Variants in PCSK1 observed in about 807,000 individuals in gnomAD.
PCSK1 encodes the protein neuroendocrine convertase 1.
A neutral mutation model predicts 90.6 loss-of-function variants in PCSK1; 56 were observed. That is an observed-to-expected ratio of 0.62 (90% CI 0.50 to 0.77). The LOEUF (loss-of-function observed/expected upper bound fraction) is 0.77, where lower values mean the gene tolerates loss of function less well. Ranked by LOEUF, PCSK1 falls within the 30% of genes least tolerant of loss-of-function variation. PCSK1 has a pLI of 0.00. For missense variants in PCSK1, 801 were observed against 932.6 expected (o/e 0.86, Z 1.84); for synonymous variants, 348 against 342.4 (o/e 1.02, Z -0.18).
intron 9 of PCSK1, among the ~76,000 whole-genome samples, chr5:96,407,536 A>G (rs1272737120): frequency 1.3e-5 from 2 of 152,232 alleles, no homozygotes; most frequent in Admixed American, 6.5e-5. Flanking sequence ...GCATCTTGTC[A>G]ATATATATAA....
chr5:96,423,364 G>A lies in PCSK1; in HGVS notation c.492C>T (p.Thr164=), dbSNP rs544744030. 2.5e-5 allele frequency: 41 copies of A among 1,613,568 alleles called. 2 individuals carry two copies. In the Admixed American group the frequency reaches 4.0e-4, roughly 16 times the overall value. Residue 164 remains threonine, a synonymous_variant, in exon 4 of 14, where the codon ACC becomes ACT. Coordinates refer to ENST00000311106, the MANE Select transcript of PCSK1 (RefSeq NM_000439.5). ...TCCACTCCAAACCATCATCCAGTAC[G>A]GTGATAACAACTCCTTTGCCCGTAA... ...KGITGKGVVI[T]VLDDGLEWNH...
At chr5:96,413,052 G>C (rs1169926374) in intron 6 of PCSK1, 2 of 653,348 alleles carry the variant, frequency 3.1e-6, no homozygotes, top group Non-Finnish European at 3.8e-6. Context: ...AAAAGATCTA[G>C]TCACAACAGG....
intron 12 of PCSK1, among the ~76,000 whole-genome samples, chr5:96,396,467 A>C (rs1760149249): frequency 1.3e-5 from 2 of 151,830 alleles, no homozygotes; most frequent in Non-Finnish European, 2.9e-5. Flanking sequence ...AGGCTGAGGC[A>C]GGAGAAGCGC....
chr5:96,400,239 C>T (rs1247955889), intron 9 of PCSK1, 53 bp from the exon 10 acceptor site: 3 of 1,251,906 alleles, frequency 2.4e-6, no homozygotes, highest in Non-Finnish European at 3.5e-6. Context: ...AGTTTCCTTG[C>T]AAAAGCAAGT....
rs751319350 is a variant in PCSK1, at chr5:96,393,305, C to T, written c.1958G>A (p.Gly653Asp). The change falls in exon 14 of 14, where the codon GGC becomes GAC. Residue 653 changes from glycine (G) to aspartate (D), a missense_variant. Physicochemically the swap from Gly to Asp is moderately conservative, Grantham distance 94. Coordinates refer to ENST00000311106, the MANE Select transcript of PCSK1 (RefSeq NM_000439.5). Reference sequence around the variant, plus strand: ...TCCCTCCTCCAACTCATCCCTCCGGCCCCCTACGCTGCTGCTGCTGGGGCT... The same window carrying T: ...TCCCTCCTCCAACTCATCCCTCCGGTCCCCTACGCTGCTGCTGCTGGGGCT... ...SKSPSSSSVGGRRDELEEGAP... is the reference protein window; with the variant it reads ...SKSPSSSSVGDRRDELEEGAP... The T allele has an allele frequency of 6.2e-7, 1 of 1,614,048 alleles. No homozygotes were observed. The highest frequency in any genetic ancestry group is 8.5e-7 in the Non-Finnish European group (1 of 1,179,962).
At chr5:96,420,674 A>G (rs77266621) in intron 5 of PCSK1, among the ~76,000 whole-genome samples, 3,702 of 151,578 alleles carry the variant, frequency 0.024, 148 homozygotes, top group African/African-American at 0.085. Flanking sequence ...TATCCAAAGA[A>G]AGAAATAACT....
chr5:96,425,429 A>G (rs1315028276), intron 3 of PCSK1, among the ~76,000 whole-genome samples: 1 of 152,222 alleles, frequency 6.6e-6, no homozygotes, highest in Non-Finnish European at 1.5e-5. Context: ...AGGGTTGTAT[A>G]TGCCAAATTA....
chr5:96,421,796 G>A, intron 5 of PCSK1, 84 bp downstream of exon 5: 1 of 826,456 alleles, frequency 1.2e-6, no homozygotes, highest in Non-Finnish European at 2.2e-6. Context: ...ACTGGAATGT[G>A]GATGAAATAT....
rs776778371 is a variant in PCSK1, at chr5:96,421,915, A to G, written c.585T>C (p.Asp195=). The change falls in exon 5 of 14, where the codon GAT becomes GAC. Residue 195 remains aspartate, a synonymous_variant. Coordinates refer to ENST00000311106, the MANE Select transcript of PCSK1 (RefSeq NM_000439.5). ...ASYDFNDNDH[D]PFPRYDPTNE... ...TTGTGGGATCATATCGGGGAAATGG[A>G]TCATGGTCATTATCATTAAAATCAT... 1.3e-6 allele frequency: 2 copies of G among 1,576,484 alleles called. No homozygotes were observed. Among genetic ancestry groups the G allele is most frequent in the South Asian group, 1.1e-5 (1 of 90,234 alleles).
intron 11 of PCSK1, 37 bp downstream of exon 11, chr5:96,398,842 T>A: frequency 6.5e-7 from 1 of 1,547,192 alleles, no homozygotes; most frequent in Non-Finnish European, 8.9e-7. Flanking sequence ...CAACTTACAC[T>A]TAAAAATATA....
rs1309165054 is a variant in PCSK1 at position 96,432,871 on chromosome 5, A to G, written c.172T>C (p.Leu58=). The change falls in exon 1 of 14, where the codon TTG becomes CTG. Residue 58 remains leucine, a synonymous_variant. Coordinates refer to ENST00000311106, the MANE Select transcript of PCSK1 (RefSeq NM_000439.5). ...AIAEELGYDL[L]GQIGSLENHY... ...AAAGTGGAAACTCTTACCTGACCCAAAAGGTCATAGCCCAGCTCCTCGGCG... is the reference window on the plus strand; with the variant it reads ...AAAGTGGAAACTCTTACCTGACCCAGAAGGTCATAGCCCAGCTCCTCGGCG... 4 of 1,613,412 alleles carry G rather than the reference A, an allele frequency of 2.5e-6. No homozygotes were observed. In the East Asian group the frequency reaches 8.9e-5, roughly 36 times the overall value.
At chr5:96,428,032 G>C (rs1761370976) in intron 2 of PCSK1, among the ~76,000 whole-genome samples, 1 of 151,668 alleles carries the variant, frequency 6.6e-6, no homozygotes, top group African/African-American at 2.4e-5. Context: ...TACGGTCACT[G>C]TCCGTGGTCC....
chr5:96,428,204 T>A (rs1761378672), intron 2 of PCSK1, among the ~76,000 whole-genome samples: 1 of 152,194 alleles, frequency 6.6e-6, no homozygotes, highest in Non-Finnish European at 1.5e-5. Context: ...ACAGTCCTCA[T>A]GAATTTCGTC....
At chr5:96,429,502 T>C (rs1019234611) in intron 1 of PCSK1, among the ~76,000 whole-genome samples, 185 bp from the exon 2 acceptor site, 4 of 152,212 alleles carry the variant, frequency 2.6e-5, no homozygotes, top group East Asian at 1.9e-4. Flanking sequence ...GTTTGTTACA[T>C]AGGTAAACTT....
In PCSK1 at chr5:96,433,016, C is replaced by G. The variant is rs1406896295; in HGVS notation, c.27G>C (p.Gln9His). The part of the protein sequence containing the change: MERRAWSL[Q>H]CTAFVLFCAW... ...CGCAAAAGAGGACGAAAGCAGTGCA[C>G]TGCAGACTCCAGGCTCTTCGCTCCA... Residue 9 changes from glutamine to histidine, a missense_variant, in exon 1 of 14, where the codon CAG (glutamine) becomes CAC (histidine). Physicochemically the swap from Gln to His is conservative, Grantham distance 24. Coordinates refer to ENST00000311106, the MANE Select transcript of PCSK1 (RefSeq NM_000439.5). The G allele has an allele frequency of 6.2e-7, 1 of 1,614,224 alleles. No homozygotes were observed. Among genetic ancestry groups the G allele is most frequent in the East Asian group, 2.2e-5 (1 of 44,886 alleles).
chr5:96,409,388 G>A lies in PCSK1; in HGVS notation c.1096-1065C>T, dbSNP rs556966570. Among the ~76,000 whole-genome samples the A allele has an allele frequency of 7.2e-5, 11 of 152,354 alleles. No individual in the cohort carries two copies. In the East Asian group the frequency reaches 2.1e-3, roughly 29 times the overall value. On this transcript the variant is annotated intron_variant, in intron 8 of 13. Transcript: ENST00000311106. ...CTCTGCTCCTCAGAGGGCTGCGGAA[G>A]CAAGGTTGCCCTTTTTACCTGTTGA... is the stretch of plus-strand genomic sequence containing the variant.
rs756867823 is a variant in PCSK1 at position 96,408,338 on chromosome 5, G to A, written c.1096-15C>T. ...TCAGCGCTCGTCTGGATGACGTCAGGAAGGAGAGAAAGGCAGGGAGAACAC... is the reference window on the plus strand; with the variant it reads ...TCAGCGCTCGTCTGGATGACGTCAGAAAGGAGAGAAAGGCAGGGAGAACAC... On this transcript the variant is annotated splice_polypyrimidine_tract_variant and intron_variant, in intron 8 of 13. Coordinates refer to ENST00000311106, the MANE Select transcript of PCSK1 (RefSeq NM_000439.5). 4.1e-5 allele frequency: 66 copies of A among 1,601,050 alleles called. 1 individual carries two copies. The South Asian group carries it at 7.3e-4, about 18-fold the overall frequency.
intron 9 of PCSK1, among the ~76,000 whole-genome samples, chr5:96,406,021 T>C (rs535382398): frequency 2.0e-5 from 3 of 152,168 alleles, no homozygotes; most frequent in Non-Finnish European, 4.4e-5. Context: ...CAGGATCCTA[T>C]AATCCATAGG....
chr5:96,430,505 T>C (rs1285857583), intron 1 of PCSK1, among the ~76,000 whole-genome samples: 1 of 152,190 alleles, frequency 6.6e-6, no homozygotes, highest in African/African-American at 2.4e-5. Flanking sequence ...CAGAAAAAGA[T>C]CACCAGTGCT....
Sources: gnomAD v4.1 joint callset for allele counts (sites outside exome capture counted in the v4.1 genomes callset) on GRCh38, gnomAD v4.1.1 for gene constraint, MANE v1.5 for transcripts, NCBI Gene and HGNC (gene_info 2026-07-23, HGNC 2026-07-21) for gene names.